SPAG17: variants seen among roughly 807,000 people sequenced by gnomAD.
The protein encoded by SPAG17 is sperm-associated antigen 17.
In SPAG17, 169 loss-of-function variants were observed where a neutral mutation model predicts 273.6. The observed-to-expected ratio is 0.62, with a 90% confidence interval of 0.55 to 0.70. The LOEUF is 0.70. Ranked by LOEUF, SPAG17 falls within the 30% of genes least tolerant of loss-of-function variation. The pLI, the probability that SPAG17 is intolerant of heterozygous loss-of-function variation, is 0.00. For missense variants in SPAG17, 2,557 were observed against 2,627.8 expected, an observed-to-expected ratio of 0.97 and a Z score of 0.59; for synonymous variants, 825 against 873.2, an observed-to-expected ratio of 0.94 and a Z score of 0.97.
In SPAG17 at chr1:118,025,226, A is replaced by T. The variant is rs746576749; in HGVS notation, c.3909+12T>A. 4 of 1,612,348 alleles carry T rather than the reference A, an allele frequency of 2.5e-6. No individual in the cohort carries two copies. The highest frequency in any genetic ancestry group is 3.4e-6 in the Non-Finnish European group (4 of 1,178,970). Reference sequence around the variant, plus strand: ...AACAGGGAAGAATAATTTCTCTAACACATTCTTTTACCTGTGTGGATCCAT... The same window carrying T: ...AACAGGGAAGAATAATTTCTCTAACTCATTCTTTTACCTGTGTGGATCCAT... On this transcript the variant is annotated intron_variant, in intron 27 of 48. Coordinates refer to ENST00000336338, the MANE Select transcript of SPAG17 (RefSeq NM_206996.4).
Position 118,028,276 on chromosome 1 carries a change from G to T in SPAG17, c.3728C>A (p.Thr1243Lys). 1.9e-6 allele frequency: 3 copies of T among 1,613,262 alleles called. No individual in the cohort carries two copies. The highest frequency in any genetic ancestry group is 2.5e-6 in the Non-Finnish European group (3 of 1,179,520). ...ACCCTACCCCATATAGCACTTACCT[G>T]TAGATTCTTGTCCAATGAAAGTCAA... is the stretch of plus-strand genomic sequence containing the variant. Reference protein sequence around the residue: ...LLLTFIGQESTGQYVIDEEPT... With the variant: ...LLLTFIGQESKGQYVIDEEPT... Residue 1243 changes from threonine to lysine, a missense_variant and splice_region_variant, in exon 26 of 49, where the codon ACA becomes AAA. By Grantham distance (78) the Thr-to-Lys change is moderately conservative. Transcript: ENST00000336338.
chr1:118,015,470 T>A (rs1659866257), intron 29 of SPAG17, among the ~76,000 whole-genome samples: 1 of 152,132 alleles, frequency 6.6e-6, no homozygotes, highest in Non-Finnish European at 1.5e-5. Context: ...CTTATCTCTT[T>A]CAATATACCA....
intron 3 of SPAG17, among the ~76,000 whole-genome samples, chr1:118,145,305 A>C (rs1658911546): frequency 1.3e-5 from 2 of 152,238 alleles, no homozygotes; most frequent in African/African-American, 4.8e-5. Flanking sequence ...GTTTCATATC[A>C]GGAATCTGAA....
chr1:117,994,640 A>G (rs1484997096), intron 34 of SPAG17, 110 bp from the exon 35 acceptor site: 2 of 1,136,078 alleles, frequency 1.8e-6, no homozygotes, highest in South Asian at 1.7e-5. Flanking sequence ...CTTAGACATG[A>G]AAGACTAATG....
At chr1:118,146,951 G>A (rs1659032972) in intron 3 of SPAG17, among the ~76,000 whole-genome samples, 1 of 151,856 alleles carries the variant, frequency 6.6e-6, no homozygotes, top group South Asian at 2.1e-4. Flanking sequence ...AATGTCTCTG[G>A]GTCTCACCCC....
intron 20 of SPAG17, 88 bp from the exon 21 acceptor site, chr1:118,042,130 T>A: frequency 1.4e-6 from 2 of 1,469,694 alleles, no homozygotes; most frequent in Admixed American, 4.4e-5. Context: ...ATATTTAACA[T>A]GATTTTTGTT....
At chr1:117,982,241 A>ATTTT (rs763137879) in intron 42 of SPAG17, among the ~76,000 whole-genome samples, 1 of 132,758 alleles carries the variant, frequency 7.5e-6, no homozygotes, top group Non-Finnish European at 1.6e-5. Context: ...CTATCTGCTT[A>ATTTT]TTTTTTTTTT....
chr1:118,076,611 C>CCAG lies in SPAG17; in HGVS notation c.2210-2014_2210-2012dup, dbSNP rs1226423271. 2.6e-5 allele frequency: 4 copies of CCAG among 152,070 alleles called. No homozygotes were observed. In the East Asian group the frequency reaches 7.7e-4, roughly 29 times the overall value. 9.4% of individuals were successfully genotyped at this position (152,070 alleles called of 1,614,324 possible). A position where few individuals can be genotyped will look rare whatever the true frequency, so the allele number is the denominator to read the frequency against. On this transcript the variant is annotated intron_variant, in intron 15 of 48. Coordinates refer to ENST00000336338, the MANE Select transcript of SPAG17 (RefSeq NM_206996.4). Reference sequence around the variant, plus strand: ...GATATTCCCTCCTATGTTTAAGGATCCAGCAGAAAAAGTCTCCAGTTTAGA... The same window carrying CCAG: ...GATATTCCCTCCTATGTTTAAGGATCCAGCAGCAGAAAAAGTCTCCAGTTTAGA...
intron 4 of SPAG17, among the ~76,000 whole-genome samples, chr1:118,106,247 T>C (rs1025254276): frequency 1.3e-5 from 2 of 152,202 alleles, no homozygotes; most frequent in Non-Finnish European, 2.9e-5. Flanking sequence ...CAATATTACA[T>C]TTCTATTTAT....
At chr1:118,052,227 A>G (rs955727913) in intron 20 of SPAG17, among the ~76,000 whole-genome samples, 12 of 150,352 alleles carry the variant, frequency 8.0e-5, no homozygotes, top group African/African-American at 1.2e-4. Flanking sequence ...CTTTAGAAAG[A>G]AGAAAAATCT....
chr1:118,028,387 T>C lies in SPAG17; in HGVS notation c.3617A>G (p.Glu1206Gly). ...HPKEEEKKEEEVEPEPVLQET... is the reference protein window; with the variant it reads ...HPKEEEKKEEGVEPEPVLQET... ...TTGTAAAACAGGTTCTGGTTCTACT[T>C]CTTCTTCCTGTAAATAATTCAGCAT... is the stretch of plus-strand genomic sequence containing the variant. The change falls in exon 26 of 49, where the codon GAA becomes GGA. Residue 1206 changes from glutamate (E) to glycine (G), a missense_variant. Glu to Gly is a moderately conservative substitution (Grantham distance 98). Coordinates refer to ENST00000336338, the MANE Select transcript of SPAG17 (RefSeq NM_206996.4). 1 of 1,613,144 alleles carries C rather than the reference T, an allele frequency of 6.2e-7. No individual in the cohort carries two copies. The highest frequency in any genetic ancestry group is 1.1e-5 in the South Asian group (1 of 90,852).
intron 24 of SPAG17, among the ~76,000 whole-genome samples, chr1:118,034,970 C>T (rs988061563): frequency 2.0e-5 from 3 of 152,136 alleles, no homozygotes; most frequent in East Asian, 1.9e-4. Context: ...TATTTCATAG[C>T]TGTACTGTCT....
rs867709419 is a variant in SPAG17 at position 118,091,675 on chromosome 1, A to C, written c.1290T>G (p.Asn430Lys). The change falls in exon 10 of 49, where the codon AAT (asparagine) becomes AAG (lysine). Residue 430 changes from asparagine to lysine, a missense_variant. Physicochemically the swap from Asn to Lys is moderately conservative, Grantham distance 94. Transcript: ENST00000336338. ...CCTCTCGAATTGGATTCAGCAAATA[A>C]TTGTAATATCTCATGTCTACTTCAG... ...ITTEVDMRYYNYLLNPIREEF... is the reference protein window; with the variant it reads ...ITTEVDMRYYKYLLNPIREEF... 5 of 1,612,466 alleles carry C rather than the reference A, an allele frequency of 3.1e-6. No individual in the cohort carries two copies. In the Middle Eastern group the frequency reaches 8.3e-4, roughly 266 times the overall value.
intron 23 of SPAG17, among the ~76,000 whole-genome samples, chr1:118,038,873 C>T (rs1649399760): frequency 6.6e-6 from 1 of 152,030 alleles, no homozygotes; most frequent in Non-Finnish European, 1.5e-5. Flanking sequence ...TGTTCAAACC[C>T]TTAGAATGCA....
In SPAG17 at chr1:118,008,276, GC is replaced by G. The variant is rs1659117006; in HGVS notation, c.4433-79del. The G allele has an allele frequency of 2.0e-6, 3 of 1,515,834 alleles. No individual in the cohort carries two copies. In the Admixed American group the frequency reaches 5.6e-5, roughly 28 times the overall value. The allele number at this position is 1,515,834 out of a possible 1,614,324, so 93.9% of individuals were successfully genotyped here. ...CAGACCTCAGCCTATTGATTTTGCT[GC>G]TGTTTCCTGGCTGTCTGGATTCCCC... On this transcript the variant is annotated intron_variant, in intron 30 of 48. Coordinates refer to ENST00000336338, the MANE Select transcript of SPAG17 (RefSeq NM_206996.4).
At position 118,055,500 on chromosome 1, in the gene SPAG17, C is replaced by G. The variant is rs548198129; in HGVS notation, c.2722+233G>C. 4.9e-4 allele frequency among the ~76,000 whole-genome samples: 74 copies of G among 152,178 alleles called. 1 individual carries two copies. The highest frequency in any genetic ancestry group is 8.8e-4 in the Non-Finnish European group (60 of 68,018). Reference sequence around the variant, plus strand: ...TGATCTGCACAACAGATGGAATCTTCCAGATTTGACAAGAAGTGGGGGGTC... The same window carrying G: ...TGATCTGCACAACAGATGGAATCTTGCAGATTTGACAAGAAGTGGGGGGTC... On this transcript the variant is annotated intron_variant, in intron 19 of 48. Coordinates refer to ENST00000336338, the MANE Select transcript of SPAG17 (RefSeq NM_206996.4).
intron 8 of SPAG17, among the ~76,000 whole-genome samples, chr1:118,092,732 C>G (rs1655461678): frequency 6.6e-6 from 1 of 152,182 alleles, no homozygotes; most frequent in Admixed American, 6.5e-5. Context: ...GATGACTGCT[C>G]TCAGCATTCA....
At chr1:118,113,346 T>C (rs577246249) in intron 4 of SPAG17, among the ~76,000 whole-genome samples, 2 of 152,256 alleles carry the variant, frequency 1.3e-5, no homozygotes, top group East Asian at 3.9e-4. Flanking sequence ...TTTACATACT[T>C]TCTGCTTGTT....
chr1:118,038,322 GGA>G, intron 23 of SPAG17, among the ~76,000 whole-genome samples: 1 of 152,134 alleles, frequency 6.6e-6, no homozygotes, highest in Non-Finnish European at 1.5e-5. Context: ...CATTACTGTG[GGA>G]ATGCATAATG....
Sources: allele counts gnomAD v4.1 joint callset (sites outside exome capture counted in the v4.1 genomes callset), GRCh38; gene constraint gnomAD v4.1.1; transcripts MANE v1.5; gene names NCBI Gene and HGNC (gene_info 2026-07-23, HGNC 2026-07-21).